GRM5: variants seen among roughly 807,000 people sequenced by gnomAD.
The protein encoded by GRM5 is glutamate metabotropic receptor 5.
GRM5 carries 19 observed loss-of-function variants against 83.1 expected under a neutral mutation model. The ratio of observed to expected loss-of-function variants is 0.23; its 90% confidence interval spans 0.16 to 0.34. GRM5 has a LOEUF of 0.34. Among genes scored for constraint, GRM5 ranks in the 10% least tolerant of loss-of-function variants. GRM5 has a pLI of 1.00. For synonymous variants in GRM5, 675 were observed against 633.6 expected (o/e 1.07, Z -0.98); for missense variants, 1,160 against 1,588.3 (o/e 0.73, Z 4.58).
intron 3 of GRM5, among the ~76,000 whole-genome samples, chr11:88,844,490 T>G (rs1334772552): frequency 6.6e-6 from 1 of 151,806 alleles, no homozygotes; most frequent in African/African-American, 2.4e-5. Context: ...TGGAGTTTAG[T>G]GTTGTTTACA....
chr11:88,875,875 T>TA (rs1944845089), intron 2 of GRM5, among the ~76,000 whole-genome samples: 1 of 152,088 alleles, frequency 6.6e-6, no homozygotes, highest in South Asian at 2.1e-4. Flanking sequence ...TATAAACAGA[T>TA]ATGCTGTCAT....
intron 3 of GRM5, among the ~76,000 whole-genome samples, chr11:88,720,988 A>G (rs1450081043): frequency 6.6e-6 from 1 of 152,086 alleles, no homozygotes; most frequent in Non-Finnish European, 1.5e-5. Context: ...GCCATCACGT[A>G]GCATTTCTAT....
chr11:88,815,312 C>T (rs569098392), intron 3 of GRM5, among the ~76,000 whole-genome samples: 8 of 152,224 alleles, frequency 5.3e-5, no homozygotes, highest in Admixed American at 2.6e-4. Flanking sequence ...CTAAATAAAA[C>T]ATTTATAATA....
At chr11:88,715,568 T>G (rs1054144505) in intron 3 of GRM5, among the ~76,000 whole-genome samples, 1 of 152,012 alleles carries the variant, frequency 6.6e-6, no homozygotes, top group South Asian at 2.1e-4. Context: ...AGAATAGAGA[T>G]AGATTTTACA....
chr11:88,724,310 T>C (rs1285602171), intron 3 of GRM5, among the ~76,000 whole-genome samples: 2 of 152,186 alleles, frequency 1.3e-5, no homozygotes, highest in Admixed American at 1.3e-4. Flanking sequence ...AGGTCTCCTC[T>C]GCACTGACCT....
intron 2 of GRM5, among the ~76,000 whole-genome samples, chr11:88,870,177 C>G (rs1305957107): frequency 6.6e-6 from 1 of 151,282 alleles, no homozygotes; most frequent in Non-Finnish European, 1.5e-5. Flanking sequence ...TTTTGGTTGT[C>G]ATTAGATTTT....
chr11:88,777,760 G>T (rs1227566283), intron 3 of GRM5, among the ~76,000 whole-genome samples: 1 of 152,208 alleles, frequency 6.6e-6, no homozygotes, highest in African/African-American at 2.4e-5. Context: ...GGTATCACCA[G>T]TGGAGGCTGC....
chr11:88,577,825 G>T (rs111688608), intron 7 of GRM5, among the ~76,000 whole-genome samples: 72 of 152,234 alleles, frequency 4.7e-4, no homozygotes, highest in African/African-American at 1.6e-3. Flanking sequence ...TGTATCAAGA[G>T]AATTACAATG....
intron 1 of GRM5, among the ~76,000 whole-genome samples, chr11:89,058,641 TTGTC>T (rs1168321032): frequency 2.0e-5 from 3 of 152,182 alleles, no homozygotes; most frequent in Non-Finnish European, 4.4e-5. Context: ...ATGCAGTTAT[TTGTC>T]TGTATTATCT....
chr11:88,911,475 C>T (rs1489240967), intron 2 of GRM5, among the ~76,000 whole-genome samples: 1 of 152,150 alleles, frequency 6.6e-6, no homozygotes, highest in Non-Finnish European at 1.5e-5. Flanking sequence ...TTGTACTCAA[C>T]AGTGACACTT....
chr11:88,558,770 C>A (rs1211650574), intron 8 of GRM5, among the ~76,000 whole-genome samples: 1 of 117,180 alleles, frequency 8.5e-6, no homozygotes, highest in African/African-American at 3.4e-5. Context: ...CTCTGCACTA[C>A]AGCCTGGCAA....
At chr11:88,527,457 T>A (rs11826393) in intron 8 of GRM5, among the ~76,000 whole-genome samples, 20 of 152,022 alleles carry the variant, frequency 1.3e-4, no homozygotes, top group Admixed American at 1.2e-3. Context: ...CTCTAACCTC[T>A]GTGAAGAAAA....
At chr11:88,829,593 C>T (rs11021496) in intron 3 of GRM5, among the ~76,000 whole-genome samples, 3,882 of 152,082 alleles carry the variant, frequency 0.026, 175 homozygotes, top group African/African-American at 0.089. Context: ...ATGTATAATT[C>T]TAATGAAATA....
At chr11:88,528,729 A>G (rs1941939662) in intron 8 of GRM5, among the ~76,000 whole-genome samples, 1 of 152,100 alleles carries the variant, frequency 6.6e-6, no homozygotes, top group South Asian at 2.1e-4. Flanking sequence ...ATTTATATTC[A>G]AAGTTATAAT....
chr11:88,836,492 A>C (rs1944097521), intron 3 of GRM5, among the ~76,000 whole-genome samples: 1 of 152,194 alleles, frequency 6.6e-6, no homozygotes, highest in Admixed American at 6.5e-5. Flanking sequence ...TAATTCCACC[A>C]AATCATGTCA....
intron 3 of GRM5, among the ~76,000 whole-genome samples, chr11:88,711,862 G>C (rs1941289274): frequency 6.6e-6 from 1 of 152,044 alleles, no homozygotes; most frequent in Admixed American, 6.6e-5. Context: ...GAGAGACAGA[G>C]AGAGAGAGAA....
At chr11:88,553,993 G>GT (rs1942568447) in intron 8 of GRM5, among the ~76,000 whole-genome samples, 1 of 152,128 alleles carries the variant, frequency 6.6e-6, no homozygotes, top group Admixed American at 6.6e-5. Context: ...TATGAAGGGT[G>GT]TATTAGTTTT....
chr11:88,734,376 G>A (rs1019898315), intron 3 of GRM5, among the ~76,000 whole-genome samples: 4 of 151,992 alleles, frequency 2.6e-5, no homozygotes, highest in Admixed American at 1.3e-4. Flanking sequence ...GTACACTGTT[G>A]GGAGGAATGT....
chr11:88,722,638 T>C (rs1040627663), intron 3 of GRM5, among the ~76,000 whole-genome samples: 1 of 152,192 alleles, frequency 6.6e-6, no homozygotes, highest in Non-Finnish European at 1.5e-5. Flanking sequence ...GTTTACTGTA[T>C]AACAAAATGG....
Sources: gnomAD v4.1 joint callset for allele counts (sites outside exome capture counted in the v4.1 genomes callset) on GRCh38, gnomAD v4.1.1 for gene constraint, MANE v1.5 for transcripts, NCBI Gene and HGNC (gene_info 2026-07-23, HGNC 2026-07-21) for gene names.